Variants in GSG1L observed in about 807,000 individuals in gnomAD.
GSG1L encodes the protein GSG1 like.
In GSG1L, 24 loss-of-function variants were observed where a neutral mutation model predicts 42.1. The observed-to-expected ratio is 0.57, with a 90% CI of 0.41 to 0.80. GSG1L has a LOEUF of 0.80. GSG1L is among the 30% of genes least tolerant of loss of function. GSG1L has a pLI of 0.00. For missense variants in GSG1L, 445 were observed against 472.2 expected (o/e 0.94, Z 0.53); for synonymous variants, 215 against 203.5 (o/e 1.06, Z -0.48).
chr16:27,803,177 G>A (rs546756311), intron 6 of GSG1L, among the ~76,000 whole-genome samples: 2 of 151,924 alleles, frequency 1.3e-5, no homozygotes, highest in Admixed American at 1.3e-4. Flanking sequence ...ACTCAAATCA[G>A]TCACTTATCT....
intron 2 of GSG1L, among the ~76,000 whole-genome samples, chr16:27,891,020 G>T (rs1363391211): frequency 2.0e-5 from 3 of 152,140 alleles, no homozygotes; most frequent in Non-Finnish European, 4.4e-5. Context: ...CTGCTTGGGG[G>T]CTTGCCCTGG....
At chr16:27,816,200 C>T (rs950690815) in intron 5 of GSG1L, among the ~76,000 whole-genome samples, 2 of 152,184 alleles carry the variant, frequency 1.3e-5, no homozygotes, top group Non-Finnish European at 2.9e-5. Context: ...TGCCCCCTCC[C>T]CAAACACACA....
intron 4 of GSG1L, among the ~76,000 whole-genome samples, chr16:27,829,259 T>C (rs1381685154): frequency 6.6e-6 from 1 of 152,040 alleles, no homozygotes; most frequent in Non-Finnish European, 1.5e-5. Context: ...ACAGCGACAC[T>C]TATGTTCAGT....
In GSG1L at chr16:27,901,864, C is replaced by T. The variant is rs112454171; in HGVS notation, c.398-17226G>A. On this transcript the variant is annotated intron_variant, in intron 2 of 6. Transcript: ENST00000447459. ...ATCCCCTGTCCCTCCACACTCCAGC[C>T]TCATGGGCAGCTCCCTTCCTCCAAA... 5.3e-4 allele frequency among the ~76,000 whole-genome samples: 81 copies of T among 152,334 alleles called. 1 individual carries two copies. The highest frequency in any genetic ancestry group is 1.7e-3 in the African/African-American group (70 of 41,566).
At chr16:27,964,267 T>G (rs1596657986) in intron 1 of GSG1L, among the ~76,000 whole-genome samples, 1 of 149,138 alleles carries the variant, frequency 6.7e-6, no homozygotes, top group African/African-American at 2.5e-5. Context: ...GAGGCAGAGG[T>G]GAGCCAAGAT....
intron 1 of GSG1L, among the ~76,000 whole-genome samples, chr16:28,000,791 C>A (rs543551483): frequency 6.6e-6 from 1 of 152,256 alleles, no homozygotes; most frequent in East Asian, 1.9e-4. Context: ...CCTCCTCCTA[C>A]AACCTTCCCC....
At chr16:27,867,642 C>A (rs962677164) in intron 3 of GSG1L, among the ~76,000 whole-genome samples, 1 of 152,204 alleles carries the variant, frequency 6.6e-6, no homozygotes, top group Non-Finnish European at 1.5e-5. Context: ...CCTCGGTTTC[C>A]CTGCTGGGTT....
chr16:27,994,434 C>G (rs1034589649), intron 1 of GSG1L, among the ~76,000 whole-genome samples: 1 of 152,210 alleles, frequency 6.6e-6, no homozygotes, highest in Admixed American at 6.5e-5. Context: ...GCAAGCCTGT[C>G]TTTAACATTG....
intron 3 of GSG1L, among the ~76,000 whole-genome samples, chr16:27,867,420 G>A (rs1312714082): frequency 6.6e-6 from 1 of 152,170 alleles, no homozygotes; most frequent in Non-Finnish European, 1.5e-5. Context: ...GGAGCCACTG[G>A]GAGGCAGAGG....
chr16:27,831,233 AC>A (rs1359792744), intron 4 of GSG1L, among the ~76,000 whole-genome samples: 4 of 152,282 alleles, frequency 2.6e-5, no homozygotes, highest in African/African-American at 9.6e-5. Context: ...AATGAAATTG[AC>A]CCAAAAGAAA....
chr16:28,050,963 CA>C (rs2086216345), intron 1 of GSG1L, among the ~76,000 whole-genome samples: 1 of 152,136 alleles, frequency 6.6e-6, no homozygotes, highest in Non-Finnish European at 1.5e-5. Flanking sequence ...ATGAAGAAAC[CA>C]CCTCCTGTCG....
chr16:27,842,279 T>C (rs1343333356), intron 4 of GSG1L, among the ~76,000 whole-genome samples: 1 of 152,210 alleles, frequency 6.6e-6, no homozygotes, highest in Non-Finnish European at 1.5e-5. Flanking sequence ...ACACCATGTG[T>C]GGAACATCAC....
intron 1 of GSG1L, among the ~76,000 whole-genome samples, chr16:28,041,985 C>T (rs2141185814): frequency 1.3e-5 from 2 of 152,276 alleles, no homozygotes; most frequent in South Asian, 4.1e-4. Flanking sequence ...CGTGGAGAAA[C>T]GTGGGAATAG....
intron 2 of GSG1L, among the ~76,000 whole-genome samples, chr16:27,946,861 C>G (rs1021314268): frequency 2.0e-5 from 3 of 152,120 alleles, no homozygotes; most frequent in Non-Finnish European, 2.9e-5. Context: ...GGGGGAAATC[C>G]GACAGGATAT....
intron 2 of GSG1L, among the ~76,000 whole-genome samples, chr16:27,904,891 C>G (rs997988072): frequency 2.6e-5 from 4 of 152,206 alleles, no homozygotes; most frequent in African/African-American, 9.6e-5. Context: ...GGGTCACATT[C>G]AGGGATGGTC....
At chr16:27,968,486 C>T (rs539553541) in intron 1 of GSG1L, among the ~76,000 whole-genome samples, 13 of 152,136 alleles carry the variant, frequency 8.5e-5, no homozygotes, top group Non-Finnish European at 1.3e-4. Context: ...CCTGAGCTCA[C>T]GCAATTCTCC....
chr16:27,891,884 CTTTTTT>C (rs60746199), intron 2 of GSG1L, among the ~76,000 whole-genome samples: 50 of 74,338 alleles, frequency 6.7e-4, no homozygotes, highest in Admixed American at 3.1e-3. Flanking sequence ...AGTGACAGAT[CTTTTTT>C]TTTTTTTTTT....
chr16:27,990,396 GT>G (rs2141134341), intron 1 of GSG1L, among the ~76,000 whole-genome samples: 1 of 152,134 alleles, frequency 6.6e-6, no homozygotes, highest in Admixed American at 6.6e-5. Flanking sequence ...CTAAGAATAC[GT>G]TTTCTTTTGC....
intron 6 of GSG1L, among the ~76,000 whole-genome samples, chr16:27,803,632 A>G (rs2082909359): frequency 6.6e-6 from 1 of 151,808 alleles, no homozygotes; most frequent in South Asian, 2.1e-4. Flanking sequence ...CTCCAACCCC[A>G]CAGTTCAGGC....
Sources: allele counts gnomAD v4.1 joint callset (sites outside exome capture counted in the v4.1 genomes callset), GRCh38; gene constraint gnomAD v4.1.1; transcripts MANE v1.5; gene names NCBI Gene and HGNC (gene_info 2026-07-23, HGNC 2026-07-21).